The following PDGFD variants were observed in gnomAD, a reference collection of about 807,000 sequenced individuals.
The protein encoded by PDGFD is platelet-derived growth factor D.
Under a neutral mutation model 44.7 loss-of-function variants are expected in PDGFD, and 30 were observed. The observed-to-expected ratio is 0.67, with a 90% confidence interval of 0.50 to 0.91. PDGFD has a LOEUF of 0.91. Ranked by LOEUF, PDGFD falls within the 40% of genes least tolerant of loss-of-function variation. The pLI is 0.00. For synonymous variants in PDGFD, 173 were observed against 168.4 expected (o/e 1.03, Z -0.21); for missense variants, 445 against 457.8 (o/e 0.97, Z 0.25).
At chr11:103,966,846 T>C (rs1859028040) in intron 3 of PDGFD, among the ~76,000 whole-genome samples, 1 of 152,090 alleles carries the variant, frequency 6.6e-6, no homozygotes, top group East Asian at 1.9e-4. Flanking sequence ...CTGATAACCC[T>C]TGATGCTTTC....
chr11:103,913,593 T>G (rs1391981160), intron 6 of PDGFD, among the ~76,000 whole-genome samples: 5 of 151,982 alleles, frequency 3.3e-5, no homozygotes. Context: ...TTAAAAGAAC[T>G]AGAGAAGAAA....
Position 103,909,765 on chromosome 11 carries a change from C to G in PDGFD, c.1042G>C (p.Ala348Pro). 1 of 1,614,064 alleles carries G rather than the reference C, an allele frequency of 6.2e-7. No individual in the cohort carries two copies. The highest frequency in any genetic ancestry group is 8.5e-7 in the Non-Finnish European group (1 of 1,179,930). ...TGATCCAACTGGATGTCAACTAGAGCCATGGTCTTAGCTCTACCCCTCCTC... is the reference window on the plus strand; with the variant it reads ...TGATCCAACTGGATGTCAACTAGAGGCATGGTCTTAGCTCTACCCCTCCTC... Reference protein sequence around the residue: ...IKRRGRAKTMALVDIQLDHHE... With the variant: ...IKRRGRAKTMPLVDIQLDHHE... Residue 348 changes from alanine (A) to proline (P), a missense_variant, in exon 7 of 7, where the codon GCT becomes CCT. Ala to Pro is a conservative substitution (Grantham distance 27). Transcript: ENST00000393158.
At chr11:104,017,723 T>A (rs1859880263) in intron 1 of PDGFD, among the ~76,000 whole-genome samples, 1 of 152,206 alleles carries the variant, frequency 6.6e-6, no homozygotes, top group Admixed American at 6.5e-5. Context: ...GGGACATTGC[T>A]TATGTCTTTA....
chr11:103,997,687 A>T lies in PDGFD; in HGVS notation c.330-1442T>A, dbSNP rs1440196657. On this transcript the variant is annotated intron_variant, in intron 2 of 6. Coordinates refer to ENST00000393158, the MANE Select transcript of PDGFD (RefSeq NM_025208.5). ...GCTTTGGAACAGATGGTAGGAAATC[A>T]ATTCCATTTCATTTTGTATACAATA... Among the ~76,000 whole-genome samples the T allele has an allele frequency of 3.3e-5, 5 of 152,318 alleles. No individual in the cohort carries two copies. The East Asian group carries it at 9.6e-4, about 29-fold the overall frequency.
At chr11:104,146,745 T>C (rs1357074275) in intron 1 of PDGFD, among the ~76,000 whole-genome samples, 1 of 152,128 alleles carries the variant, frequency 6.6e-6, no homozygotes, top group East Asian at 1.9e-4. Context: ...TTCATCTGAA[T>C]TGTACTTGGC....
chr11:104,073,130 A>G lies in PDGFD; in HGVS notation c.125-72875T>C, dbSNP rs111449202. 4.6e-3 allele frequency among the ~76,000 whole-genome samples: 702 copies of G among 152,214 alleles called. 8 individuals are homozygous for G. The highest frequency in any genetic ancestry group is 0.016 in the African/African-American group (667 of 41,572). On this transcript the variant is annotated intron_variant, in intron 1 of 6. Transcript: ENST00000393158. ...TAATGTGATTATCTTATAATCCAGG[A>G]TTAGTTTTATCCTCCAAAATTAGCA...
At chr11:103,995,513 C>T (rs1369696460) in intron 3 of PDGFD, among the ~76,000 whole-genome samples, 1 of 152,116 alleles carries the variant, frequency 6.6e-6, no homozygotes, top group Admixed American at 6.6e-5. Context: ...ATGAGTGTAG[C>T]AAACAGGATT....
intron 1 of PDGFD, among the ~76,000 whole-genome samples, chr11:104,103,629 C>A (rs968413804): frequency 1.3e-5 from 2 of 151,388 alleles, no homozygotes; most frequent in African/African-American, 4.8e-5. Context: ...GGATTGTGGC[C>A]CCATCAAATT....
At chr11:104,041,423 C>A (rs1179272324) in intron 1 of PDGFD, among the ~76,000 whole-genome samples, 2 of 152,002 alleles carry the variant, frequency 1.3e-5, no homozygotes, top group Non-Finnish European at 2.9e-5. Flanking sequence ...AACAAAAATC[C>A]TCCTCTTAAA....
chr11:104,043,690 G>T (rs1196493357), intron 1 of PDGFD, among the ~76,000 whole-genome samples: 1 of 152,172 alleles, frequency 6.6e-6, no homozygotes, highest in Non-Finnish European at 1.5e-5. Flanking sequence ...GAGAGCCTCG[G>T]GAAGCTTTCA....
At chr11:103,969,118 C>T (rs1454898584) in intron 3 of PDGFD, among the ~76,000 whole-genome samples, 4 of 152,168 alleles carry the variant, frequency 2.6e-5, no homozygotes, top group African/African-American at 9.7e-5. Context: ...TATACTTTTT[C>T]ATCAACTTTC....
chr11:103,925,714 CACAT>C (rs1565285947), intron 6 of PDGFD, among the ~76,000 whole-genome samples: 1 of 95,862 alleles, frequency 1.0e-5, no homozygotes, highest in South Asian at 3.2e-4. Flanking sequence ...GACACACACA[CACAT>C]ATATATATAT....
Position 104,000,224 on chromosome 11 carries a change from T to C in PDGFD, c.156A>G (p.Arg52=). 1 of 1,614,034 alleles carries C rather than the reference T, an allele frequency of 6.2e-7. No homozygotes were observed. The highest frequency in any genetic ancestry group is 1.7e-5 in the Admixed American group (1 of 60,020). ...ESNHLTDLYR[R]DETIQVKGNG... ...TTCCTTTCACCTGGATGGTCTCATC[T>C]CTTCGGTACAAGTCTGTGAGGTGAT... The change falls in exon 2 of 7, where the codon AGA becomes AGG. Residue 52 remains arginine (R), a synonymous_variant. Coordinates refer to ENST00000393158, the MANE Select transcript of PDGFD (RefSeq NM_025208.5).
chr11:104,037,496 A>G (rs932858722), intron 1 of PDGFD: 1 of 1,614,034 alleles, frequency 6.2e-7, no homozygotes, highest in Non-Finnish European at 8.5e-7. Flanking sequence ...AACATTGAAG[A>G]AAACATGAAT....
At chr11:104,056,035 T>C (rs1367031198) in intron 1 of PDGFD, among the ~76,000 whole-genome samples, 2 of 152,182 alleles carry the variant, frequency 1.3e-5, no homozygotes, top group South Asian at 2.1e-4. Flanking sequence ...TCTAATATGA[T>C]ATAAAATTGC....
intron 6 of PDGFD, among the ~76,000 whole-genome samples, chr11:103,915,397 G>T (rs1220183231): frequency 6.6e-6 from 1 of 152,128 alleles, no homozygotes; most frequent in East Asian, 1.9e-4. Flanking sequence ...CAAGGGACAC[G>T]TAGGAACTCT....
At chr11:103,960,692 C>G (rs1341279007) in intron 3 of PDGFD, among the ~76,000 whole-genome samples, 1 of 152,102 alleles carries the variant, frequency 6.6e-6, no homozygotes, top group African/African-American at 2.4e-5. Context: ...GTGTCTTAGT[C>G]AGTTGGAGCA....
intron 6 of PDGFD, among the ~76,000 whole-genome samples, chr11:103,910,348 C>A (rs535253968): frequency 1.3e-5 from 2 of 152,330 alleles, no homozygotes; most frequent in South Asian, 4.1e-4. Context: ...CAGTTCCCAG[C>A]GAGATCAATG....
intron 3 of PDGFD, among the ~76,000 whole-genome samples, chr11:103,979,803 T>C (rs1335334203): frequency 1.3e-5 from 2 of 152,132 alleles, no homozygotes; most frequent in African/African-American, 4.8e-5. Context: ...ATTCTATTTT[T>C]ATATTGAAAA....
Sources: gnomAD v4.1 joint callset for allele counts (sites outside exome capture counted in the v4.1 genomes callset) on GRCh38, gnomAD v4.1.1 for gene constraint, MANE v1.5 for transcripts, NCBI Gene and HGNC (gene_info 2026-07-23, HGNC 2026-07-21) for gene names.